Variants in CHSY3 observed in about 807,000 individuals in gnomAD.
CHSY3 encodes the protein chondroitin sulfate synthase 3, also known as N-acetylgalactosaminyl-proteoglycan 3-beta-glucuronosyltransferase 3.
A neutral mutation model predicts 67.2 loss-of-function variants in CHSY3; 35 were observed. That is an observed-to-expected ratio of 0.52 (90% confidence interval 0.40 to 0.69). The LOEUF is 0.69. Among genes scored for constraint, CHSY3 ranks in the 30% least tolerant of loss-of-function variants. CHSY3 has a pLI of 0.00. For synonymous variants in CHSY3, 474 were observed against 434.7 expected, an observed-to-expected ratio of 1.09 and a Z score of -1.12; for missense variants, 1,069 against 1,138.5, an observed-to-expected ratio of 0.94 and a Z score of 0.88.
At chr5:130,126,022 C>G (rs1282254016) in intron 2 of CHSY3, among the ~76,000 whole-genome samples, 1 of 151,756 alleles carries the variant, frequency 6.6e-6, no homozygotes, top group African/African-American at 2.4e-5. Flanking sequence ...TATAATAATA[C>G]CTAGGATATG....
chr5:130,093,452 T>C (rs1218492985), intron 2 of CHSY3, among the ~76,000 whole-genome samples: 2 of 152,216 alleles, frequency 1.3e-5, no homozygotes, highest in African/African-American at 2.4e-5. Context: ...GCTACTCTTA[T>C]ATAACCAGAT....
At chr5:130,023,806 G>A (rs2149655421) in intron 2 of CHSY3, among the ~76,000 whole-genome samples, 1 of 151,964 alleles carries the variant, frequency 6.6e-6, no homozygotes, top group South Asian at 2.1e-4. Flanking sequence ...AAAGTGTACA[G>A]AGAGGAAAAA....
chr5:130,096,045 A>T (rs1464171618), intron 2 of CHSY3, among the ~76,000 whole-genome samples: 3 of 152,226 alleles, frequency 2.0e-5, no homozygotes, highest in Non-Finnish European at 4.4e-5. Flanking sequence ...GTCATGAATG[A>T]TAAGGAAGAT....
intron 2 of CHSY3, among the ~76,000 whole-genome samples, chr5:130,086,958 A>G (rs1406782568): frequency 6.6e-6 from 1 of 152,176 alleles, no homozygotes; most frequent in East Asian, 1.9e-4. Context: ...CAGTGATGCA[A>G]AAATCCTCAA....
At position 129,905,250 on chromosome 5, in the gene CHSY3, G is replaced by T; in HGVS notation, c.421G>T (p.Ala141Ser). 6.9e-7 allele frequency: 1 copy of T among 1,455,858 alleles called. No homozygotes were observed. The highest frequency in any genetic ancestry group is 9.0e-7 in the Non-Finnish European group (1 of 1,106,840). 90.2% of individuals were successfully genotyped at this position (1,455,858 alleles called of 1,614,324 possible). Reference sequence around the variant, plus strand: ...GGAGCCCGAGGAGGAGGACGGGGGCGCGGCTGGGCAGCGGAGAGACGGCCG... The same window carrying T: ...GGAGCCCGAGGAGGAGGACGGGGGCTCGGCTGGGCAGCGGAGAGACGGCCG... Reference protein sequence around the residue: ...EGEPEEEDGGAAGQRRDGRPG... With the variant: ...EGEPEEEDGGSAGQRRDGRPG... Residue 141 changes from alanine to serine, a missense_variant, in exon 1 of 3, where the codon GCG (alanine) becomes TCG (serine). Ala to Ser is a moderately conservative substitution (Grantham distance 99). Transcript: ENST00000305031.
Position 129,996,187 on chromosome 5 carries a change from A to G in CHSY3, c.1086+87827A>G, listed in dbSNP as rs113061171. On this transcript the variant is annotated intron_variant, in intron 2 of 2. Coordinates refer to ENST00000305031, the MANE Select transcript of CHSY3 (RefSeq NM_175856.5). Reference sequence around the variant, plus strand: ...TTGTGTCTGGGAAGTGCCTAACAACAGCAGCTGTTATTATGAGGAAATTTT... The same window carrying G: ...TTGTGTCTGGGAAGTGCCTAACAACGGCAGCTGTTATTATGAGGAAATTTT... 2.9e-3 allele frequency among the ~76,000 whole-genome samples: 443 copies of G among 152,300 alleles called. 4 individuals carry two copies. The highest frequency in any genetic ancestry group is 0.01 in the African/African-American group (418 of 41,574).
chr5:129,908,439 C>T lies in CHSY3; in HGVS notation c.1086+79C>T, dbSNP rs546585089. ...TATAATCTAGGGCAGCGATTCTATT[C>T]ATTCTCTCTGTATCTTTGTATTTAC... On this transcript the variant is annotated intron_variant, in intron 2 of 2. Transcript: ENST00000305031. The T allele has an allele frequency of 3.8e-5, 59 of 1,535,346 alleles. No individual in the cohort carries two copies. The African/African-American group carries it at 4.0e-4, about 10-fold the overall frequency.
intron 2 of CHSY3, among the ~76,000 whole-genome samples, chr5:130,019,996 G>A (rs1041729087): frequency 6.6e-6 from 1 of 152,082 alleles, no homozygotes; most frequent in Admixed American, 6.5e-5. Context: ...TTTGTACTGA[G>A]GAATATTAGA....
intron 1 of CHSY3, 188 bp downstream of exon 1, chr5:129,905,819 T>G: frequency 7.8e-7 from 1 of 1,284,542 alleles, no homozygotes; most frequent in Non-Finnish European, 1.0e-6. Context: ...CCTCGTCTTC[T>G]GCAATCTGGA....
intron 2 of CHSY3, chr5:130,141,188 G>C (rs1768853492): frequency 2.2e-6 from 1 of 460,038 alleles, no homozygotes; most frequent in African/African-American, 2.1e-5. Flanking sequence ...AAATGTTCAA[G>C]ATTTGCTGCT....
At chr5:130,091,674 CAG>C (rs551368276) in intron 2 of CHSY3, among the ~76,000 whole-genome samples, 2 of 152,258 alleles carry the variant, frequency 1.3e-5, no homozygotes, top group African/African-American at 4.8e-5. Context: ...TGTGATATAA[CAG>C]TACCTGAAAC....
intron 2 of CHSY3, among the ~76,000 whole-genome samples, chr5:130,074,273 G>A (rs186799472): frequency 8.8e-4 from 134 of 151,980 alleles, no homozygotes; most frequent in African/African-American, 3.1e-3. Flanking sequence ...GTTTCACCAC[G>A]TTGGCCAGGC....
chr5:130,147,189 A>G (rs1769099701), intron 2 of CHSY3, among the ~76,000 whole-genome samples: 1 of 152,178 alleles, frequency 6.6e-6, no homozygotes, highest in Admixed American at 6.5e-5. Flanking sequence ...CATTTGTATA[A>G]ATAGCATCGT....
intron 2 of CHSY3, among the ~76,000 whole-genome samples, chr5:130,035,115 C>T (rs531265633): frequency 6.6e-6 from 1 of 152,164 alleles, no homozygotes; most frequent in Admixed American, 6.5e-5. Context: ...AATGGTCTGA[C>T]TTCCATTTCA....
chr5:130,099,223 T>C (rs918849444), intron 2 of CHSY3, among the ~76,000 whole-genome samples: 1 of 152,236 alleles, frequency 6.6e-6, no homozygotes, highest in Non-Finnish European at 1.5e-5. Flanking sequence ...ATGGAATAAT[T>C]ACGTGGAAGT....
chr5:130,035,011 A>G (rs1764825932), intron 2 of CHSY3, among the ~76,000 whole-genome samples: 1 of 152,110 alleles, frequency 6.6e-6, no homozygotes, highest in Non-Finnish European at 1.5e-5. Flanking sequence ...AACAGGGGAA[A>G]CAGCAAGTAA....
intron 2 of CHSY3, among the ~76,000 whole-genome samples, chr5:129,933,013 C>T (rs1448965970): frequency 6.6e-6 from 1 of 152,102 alleles, no homozygotes; most frequent in African/African-American, 2.4e-5. Flanking sequence ...ACCTTTCCTC[C>T]CAGATTGTGG....
At chr5:129,950,437 T>G (rs1561469086) in intron 2 of CHSY3, among the ~76,000 whole-genome samples, 1 of 152,024 alleles carries the variant, frequency 6.6e-6, no homozygotes, top group Non-Finnish European at 1.5e-5. Flanking sequence ...ATTAGGTAAA[T>G]AAAGAAAGAA....
chr5:130,005,496 G>T (rs79092029), intron 2 of CHSY3, among the ~76,000 whole-genome samples: 2,425 of 151,904 alleles, frequency 0.016, 52 homozygotes, highest in African/African-American at 0.054. Flanking sequence ...CACTCTCTTA[G>T]TATGCATTGC....
Sources: gnomAD v4.1 joint callset for allele counts (sites outside exome capture counted in the v4.1 genomes callset) on GRCh38, gnomAD v4.1.1 for gene constraint, MANE v1.5 for transcripts, NCBI Gene and HGNC (gene_info 2026-07-23, HGNC 2026-07-21) for gene names.